PPT2: variants seen among roughly 807,000 people sequenced by gnomAD.
PPT2 encodes the protein palmitoyl-protein thioesterase 2, also known as lysosomal thioesterase PPT2.
Under a neutral mutation model 37.3 loss-of-function variants are expected in PPT2, and 20 were observed. The ratio of observed to expected loss-of-function variants is 0.54; its 90% CI spans 0.38 to 0.78. The LOEUF is 0.78. PPT2 is among the 30% of genes least tolerant of loss of function. The probability of loss-of-function intolerance (pLI) is 0.00; values close to 1 mark genes in which losing one functional copy is unlikely to be tolerated. For missense variants in PPT2, 270 were observed against 389.8 expected (o/e 0.69, Z 2.59); for synonymous variants, 135 against 159.1 (o/e 0.85, Z 1.14).
chr6:32,154,860 C>A lies in PPT2; in HGVS notation c.183+83C>A. The stretch of plus-strand genomic sequence containing the variant: ...GGAGAGCGGGGAACTGAAAGCCACC[C>A]CTCTGGGCCTGCCCAGTTCCTCAGG... On this transcript the variant is annotated intron_variant, in intron 2 of 8. Transcript: ENST00000324816. The surrounding 1 kb of genome is among the most constrained non-coding windows in gnomAD (Gnocchi z 7.3). 1 of 1,538,054 alleles carries A rather than the reference C, an allele frequency of 6.5e-7. No homozygotes were observed. Among genetic ancestry groups the A allele is most frequent in the East Asian group, 2.3e-5 (1 of 43,298 alleles).
chr6:32,160,849 G>A (rs1039670234), intron 7 of PPT2, among the ~76,000 whole-genome samples: 4 of 151,714 alleles, frequency 2.6e-5, no homozygotes, highest in Non-Finnish European at 5.9e-5. Context: ...TTAGCTGGGC[G>A]TGGTGGTGTG....
chr6:32,154,789 G>A lies in PPT2; in HGVS notation c.183+12G>A, dbSNP rs762808191. 10 of 1,609,198 alleles carry A rather than the reference G, an allele frequency of 6.2e-6. No homozygotes were observed. In the East Asian group the frequency reaches 1.8e-4, roughly 29 times the overall value. On this transcript the variant is annotated intron_variant, in intron 2 of 8. Transcript: ENST00000324816. This position sits in a 1 kb window ranked among gnomAD's most constrained non-coding sequence, Gnocchi z 7.3. The stretch of plus-strand genomic sequence containing the variant: ...AATACATCAATGAGGTCTGGCAGGG[G>A]ACACCTGGGTGCAGGGCGTTAGAGG...
rs1276882733 is a variant in PPT2 at position 32,157,918 on chromosome 6, AG to A, written c.705del (p.Gln235HisfsTer30). 1 of 1,608,922 alleles carries A rather than the reference AG, an allele frequency of 6.2e-7. No homozygotes were observed. Among genetic ancestry groups the A allele is most frequent in the Non-Finnish European group, 8.5e-7 (1 of 1,176,542 alleles). On this transcript the variant is annotated frameshift_variant, in exon 7 of 9. Transcript: ENST00000324816. LOFTEE classifies it high-confidence loss of function. Reference sequence around the variant, plus strand: ...GATGATGGTGTTATTACTCCCTGGCAGTCCAGGTAATAAGGGATTTTGTGGC... The same window carrying A: ...GATGATGGTGTTATTACTCCCTGGCATCCAGGTAATAAGGGATTTTGTGGC... ...GPDDGVITPW[Q>X]SSFFGFYDAN... is the part of the protein sequence containing the mutation.
At chr6:32,157,382 T>G (rs1003334131) in intron 5 of PPT2, 4 of 532,252 alleles carry the variant, frequency 7.5e-6, no homozygotes. Flanking sequence ...CTGGCTAACT[T>G]TTGTATTTTT....
chr6:32,161,588 C>CT (rs35832910), intron 7 of PPT2, among the ~76,000 whole-genome samples: 22,246 of 127,630 alleles, frequency 0.17, 2,168 homozygotes, highest in Non-Finnish European at 0.2. Flanking sequence ...CACACCTGGC[C>CT]TCTTTTTTTT....
At position 32,154,352 on chromosome 6, in the gene PPT2, G is replaced by A; in HGVS notation, c.-61G>A. ...ATGCATTAGGAAGATCCTGGACCTA[G>A]AGAACAAGTCCCCCGAACGCTGAGT... On this transcript the variant is annotated 5_prime_UTR_variant, in exon 1 of 9. Transcript: ENST00000324816. The surrounding 1 kb of genome is among the most constrained non-coding windows in gnomAD (Gnocchi z 7.3). 7.1e-7 allele frequency: 1 copy of A among 1,417,506 alleles called. No homozygotes were observed. Among genetic ancestry groups the A allele is most frequent in the Non-Finnish European group, 9.2e-7 (1 of 1,090,570 alleles). The allele number at this position is 1,417,506 out of a possible 1,614,324, so 87.8% of individuals were successfully genotyped here.
chr6:32,154,173 C>A lies in PPT2; in HGVS notation c.-240C>A. On this transcript the variant is annotated 5_prime_UTR_variant, in exon 1 of 9. Coordinates refer to ENST00000324816, the MANE Select transcript of PPT2 (RefSeq NM_005155.7). The surrounding 1 kb of genome is among the most constrained non-coding windows in gnomAD (Gnocchi z 7.3). Reference sequence around the variant, plus strand: ...CCCTGCGCTCTCTTTCCTCACCCTTCCCCCCGCCACCGTGGGTTCCAGACT... The same window carrying A: ...CCCTGCGCTCTCTTTCCTCACCCTTACCCCCGCCACCGTGGGTTCCAGACT... 9.1e-7 allele frequency: 1 copy of A among 1,100,170 alleles called. No individual in the cohort carries two copies. Among genetic ancestry groups the A allele is most frequent in the Non-Finnish European group, 1.1e-6 (1 of 902,294 alleles). 68.2% of individuals were successfully genotyped at this position (1,100,170 alleles called of 1,614,324 possible). A position where few individuals can be genotyped will look rare whatever the true frequency, so the allele number is the denominator to read the frequency against.
chr6:32,160,764 C>T (rs1459230048), intron 7 of PPT2, among the ~76,000 whole-genome samples: 4 of 151,812 alleles, frequency 2.6e-5, no homozygotes, highest in Non-Finnish European at 4.4e-5. Flanking sequence ...TTTGGGAGGC[C>T]GAGGCATGAG....
Position 32,154,624 on chromosome 6 carries a change from C to T in PPT2, c.30C>T (p.Pro10=). MLGLCGQRL[P]AAWVLLLLPF... ...TGGGGCTCTGCGGGCAGCGGCTCCC[C>T]GCGGCGTGGGTCCTGCTTCTGTTGC... is the stretch of plus-strand genomic sequence containing the variant. Residue 10 remains proline (P), a synonymous_variant, in exon 2 of 9, where the codon CCC becomes CCT. Coordinates refer to ENST00000324816, the MANE Select transcript of PPT2 (RefSeq NM_005155.7). The surrounding 1 kb of genome is among the most constrained non-coding windows in gnomAD (Gnocchi z 7.3). The T allele has an allele frequency of 1.2e-6, 2 of 1,611,996 alleles. No individual in the cohort carries two copies. The highest frequency in any genetic ancestry group is 1.7e-6 in the Non-Finnish European group (2 of 1,179,388).
rs1311107870 is a variant in PPT2, at chr6:32,155,486, T to C, written c.338-202T>C. ...AGGAGGCCCAGCATCTAATTCGGGC[T>C]CAGTCACTTATATGATGTGTGACCT... On this transcript the variant is annotated intron_variant, in intron 3 of 8. Coordinates refer to ENST00000324816, the MANE Select transcript of PPT2 (RefSeq NM_005155.7). This position sits in a 1 kb window ranked among gnomAD's most constrained non-coding sequence, Gnocchi z 4.3. Among the ~76,000 whole-genome samples the C allele has an allele frequency of 6.6e-6, 1 of 152,142 alleles. No homozygotes were observed. The highest frequency in any genetic ancestry group is 1.9e-4 in the East Asian group (1 of 5,190).
intron 7 of PPT2, among the ~76,000 whole-genome samples, chr6:32,161,588 CTCT>C (rs1436651616): frequency 1.6e-5 from 2 of 128,018 alleles, no homozygotes; most frequent in African/African-American, 3.0e-5. Flanking sequence ...CACACCTGGC[CTCT>C]TTTTTTTTTT....
In PPT2 at chr6:32,154,294, T is replaced by A. The variant is rs1213842108; in HGVS notation, c.-119T>A. ...GGGCCTGGGCTGCTGCTCACGGGTA[T>A]TAAAGAACTCCGCGTTGTTCATGGC... is the stretch of plus-strand genomic sequence containing the variant. On this transcript the variant is annotated 5_prime_UTR_variant, in exon 1 of 9. Transcript: ENST00000324816. This position sits in a 1 kb window ranked among gnomAD's most constrained non-coding sequence, Gnocchi z 7.3. 8 of 1,346,986 alleles carry A rather than the reference T, an allele frequency of 5.9e-6. No homozygotes were observed. Among genetic ancestry groups the A allele is most frequent in the Non-Finnish European group, 5.7e-6 (6 of 1,052,432 alleles). The allele number at this position is 1,346,986 out of a possible 1,614,324, so 83.4% of individuals were successfully genotyped here.
Position 32,155,620 on chromosome 6 carries a change from TGGGGGTG to T in PPT2, c.338-60_338-54del. ...TGTGTGTGTGTGTGTGTGTGTGTGG[TGGGGGTG>T]GGGGGTGCTGCTGGCTTTGCTGTCC... On this transcript the variant is annotated intron_variant, in intron 3 of 8. Coordinates refer to ENST00000324816, the MANE Select transcript of PPT2 (RefSeq NM_005155.7). This position sits in a 1 kb window ranked among gnomAD's most constrained non-coding sequence, Gnocchi z 4.3. 1 of 788,618 alleles carries T rather than the reference TGGGGGTG, an allele frequency of 1.3e-6. No homozygotes were observed. The highest frequency in any genetic ancestry group is 2.0e-6 in the Non-Finnish European group (1 of 504,064). The allele number at this position is 788,618 out of a possible 1,614,324, so 48.9% of individuals were successfully genotyped here.
At chr6:32,159,042 T>C (rs1783971289) in intron 7 of PPT2, among the ~76,000 whole-genome samples, 1 of 152,022 alleles carries the variant, frequency 6.6e-6, no homozygotes, top group African/African-American at 2.4e-5. Flanking sequence ...AAATGTACAG[T>C]TTTGTGGCAT....
chr6:32,160,469 G>A (rs1471478352), intron 7 of PPT2, among the ~76,000 whole-genome samples: 3 of 151,372 alleles, frequency 2.0e-5, no homozygotes, highest in Non-Finnish European at 3.0e-5. Context: ...TCAGGAGTTC[G>A]AGAACAGCTG....
rs750812368 is a variant in PPT2, at chr6:32,155,498, A to G, written c.338-190A>G. On this transcript the variant is annotated intron_variant, in intron 3 of 8. Coordinates refer to ENST00000324816, the MANE Select transcript of PPT2 (RefSeq NM_005155.7). The surrounding 1 kb of genome is among the most constrained non-coding windows in gnomAD (Gnocchi z 4.3). ...ATCTAATTCGGGCTCAGTCACTTAT[A>G]TGATGTGTGACCTTTTGGCACAGGG... Among the ~76,000 whole-genome samples, 3 of 151,480 alleles carry G rather than the reference A, an allele frequency of 2.0e-5. No homozygotes were observed. Among genetic ancestry groups the G allele is most frequent in the Non-Finnish European group, 4.4e-5 (3 of 67,966 alleles).
chr6:32,157,338 G>A (rs1422396130), intron 5 of PPT2: 3 of 456,246 alleles, frequency 6.6e-6, no homozygotes, highest in African/African-American at 2.0e-5. Flanking sequence ...CCAGCGCCCC[G>A]AGTAACTGGG....
At position 32,156,932 on chromosome 6, in the gene PPT2, A is replaced by G. The variant is rs1349869142; in HGVS notation, c.542-705A>G. 6.6e-6 allele frequency among the ~76,000 whole-genome samples: 1 copy of G among 151,784 alleles called. No individual in the cohort carries two copies. Among genetic ancestry groups the G allele is most frequent in the Admixed American group, 6.6e-5 (1 of 15,218 alleles). On this transcript the variant is annotated intron_variant, in intron 5 of 8. Coordinates refer to ENST00000324816, the MANE Select transcript of PPT2 (RefSeq NM_005155.7). This position sits in a 1 kb window ranked among gnomAD's most constrained non-coding sequence, Gnocchi z 4.9. The stretch of plus-strand genomic sequence containing the variant: ...GTGGTGGCTCACACCTGTAATCCCA[A>G]TATCTTGGCAGGGGGAGGTGGGCGC...
intron 7 of PPT2, among the ~76,000 whole-genome samples, chr6:32,160,959 G>A (rs1185374581): frequency 2.0e-5 from 3 of 149,632 alleles, no homozygotes; most frequent in Non-Finnish European, 1.5e-5. Flanking sequence ...TTGCACTCCT[G>A]CCTGGGTGAC....
Sources: gnomAD v4.1 joint callset for allele counts (sites outside exome capture counted in the v4.1 genomes callset) on GRCh38, gnomAD v4.1.1 for gene constraint, Gnocchi (gnomAD v3.1) non-coding constraint, MANE v1.5 for transcripts, NCBI Gene and HGNC (gene_info 2026-07-23, HGNC 2026-07-21) for gene names.